NR4A3: variants seen among roughly 807,000 people sequenced by gnomAD.
The protein encoded by NR4A3 is nuclear receptor subfamily 4 group A member 3, also known as chondrosarcoma, extraskeletal myxoid, fused to EWS.
A neutral mutation model predicts 55.6 loss-of-function variants in NR4A3; 13 were observed. That is an observed-to-expected ratio of 0.23 (90% CI 0.15 to 0.37). NR4A3 has a LOEUF of 0.37. Among genes scored for constraint, NR4A3 ranks in the 10% least tolerant of loss-of-function variants. The pLI is 1.00. For synonymous variants in NR4A3, 342 were observed against 357.9 expected (o/e 0.96, Z 0.50); for missense variants, 646 against 822.8 (o/e 0.79, Z 2.63).
intron 1 of NR4A3, among the ~76,000 whole-genome samples, chr9:99,824,314 A>G (rs1354433817): frequency 6.6e-6 from 1 of 152,180 alleles, no homozygotes; most frequent in Non-Finnish European, 1.5e-5. Context: ...CCTCTCAGAG[A>G]ACGACTCCGC....
intron 7 of NR4A3, among the ~76,000 whole-genome samples, chr9:99,862,622 A>G (rs1159572668): frequency 6.7e-6 from 1 of 149,004 alleles, no homozygotes; most frequent in Non-Finnish European, 1.5e-5. Context: ...ATGTTGAGGA[A>G]AAGCATAGTG....
intron 5 of NR4A3, among the ~76,000 whole-genome samples, chr9:99,835,270 T>C (rs776239654): frequency 1.3e-5 from 2 of 152,204 alleles, no homozygotes; most frequent in Non-Finnish European, 2.9e-5. Context: ...TGATCTCTAT[T>C]TCACAGATAA....
In NR4A3 at chr9:99,822,504, G is replaced by T. The variant is rs1341455638; in HGVS notation, c.-177+97G>T. 2.0e-5 allele frequency: 3 copies of T among 152,370 alleles called. No individual in the cohort carries two copies. The highest frequency in any genetic ancestry group is 2.0e-4 in the Admixed American group (3 of 15,290). 9.4% of individuals were successfully genotyped at this position (152,370 alleles called of 1,614,324 possible). ...TGAAATTGACAACTTTGAGTGTGGG[G>T]TTCCCTCCCCTGACCTTGCCGCCCG... On this transcript the variant is annotated intron_variant, in intron 1 of 7. Coordinates refer to ENST00000395097, the MANE Select transcript of NR4A3 (RefSeq NM_006981.4). The surrounding 1 kb of genome is among the most constrained non-coding windows in gnomAD (Gnocchi z 4.9).
intron 5 of NR4A3, among the ~76,000 whole-genome samples, chr9:99,842,741 A>AT (rs1437119025): frequency 6.6e-6 from 1 of 152,110 alleles, no homozygotes; most frequent in Non-Finnish European, 1.5e-5. Context: ...AAAAAAAAAA[A>AT]GATCCCACCA....
rs1166246188 is a variant in NR4A3 at position 99,825,484 on chromosome 9, C to T, written c.-176-175C>T. 6.6e-6 allele frequency among the ~76,000 whole-genome samples: 1 copy of T among 152,198 alleles called. No homozygotes were observed. Among genetic ancestry groups the T allele is most frequent in the Non-Finnish European group, 1.5e-5 (1 of 68,032 alleles). ...CCGAGGCCGTGTGATGCTTCTTGCCCAGGGGGACTCCTGTACCATTAATCA... is the reference window on the plus strand; with the variant it reads ...CCGAGGCCGTGTGATGCTTCTTGCCTAGGGGGACTCCTGTACCATTAATCA... On this transcript the variant is annotated intron_variant, in intron 1 of 7. Coordinates refer to ENST00000395097, the MANE Select transcript of NR4A3 (RefSeq NM_006981.4). The surrounding 1 kb of genome is among the most constrained non-coding windows in gnomAD (Gnocchi z 5.0).
chr9:99,827,258 A>ATG (rs35554489), intron 2 of NR4A3, among the ~76,000 whole-genome samples: 6,243 of 144,992 alleles, frequency 0.043, 165 homozygotes, highest in Non-Finnish European at 0.058. Flanking sequence ...GGATATATAT[A>ATG]TGTGTGTGTG....
intron 7 of NR4A3, among the ~76,000 whole-genome samples, chr9:99,848,432 C>T (rs975977045): frequency 5.3e-5 from 8 of 152,270 alleles, no homozygotes; most frequent in African/African-American, 1.9e-4. Flanking sequence ...GCAACCTCTG[C>T]CTCCTGGGTC....
chr9:99,837,080 T>G (rs936167122), intron 5 of NR4A3, among the ~76,000 whole-genome samples: 15 of 152,204 alleles, frequency 9.9e-5, no homozygotes, highest in African/African-American at 3.4e-4. Context: ...GTTGAATTCC[T>G]TATATATTCT....
chr9:99,847,413 G>A lies in NR4A3; in HGVS notation c.1455-24G>A, dbSNP rs770107655. 1.9e-6 allele frequency: 3 copies of A among 1,611,060 alleles called. No homozygotes were observed. In the South Asian group the frequency reaches 3.3e-5, roughly 18 times the overall value. ...GACAGATTGAACAGACCTGTTTAATGTTTGTCTTCCTCTCACCTCCCAGGT... is the reference window on the plus strand; with the variant it reads ...GACAGATTGAACAGACCTGTTTAATATTTGTCTTCCTCTCACCTCCCAGGT... On this transcript the variant is annotated intron_variant, in intron 6 of 7. Coordinates refer to ENST00000395097, the MANE Select transcript of NR4A3 (RefSeq NM_006981.4).
chr9:99,863,072 C>T (rs1828035604), intron 7 of NR4A3, among the ~76,000 whole-genome samples: 1 of 152,142 alleles, frequency 6.6e-6, no homozygotes, highest in Non-Finnish European at 1.5e-5. Flanking sequence ...TGGGTCTTTT[C>T]GAGCAGCCCT....
At position 99,828,404 on chromosome 9, in the gene NR4A3, C is replaced by G; in HGVS notation, c.362C>G (p.Ser121Cys). 2 of 1,588,812 alleles carry G rather than the reference C, an allele frequency of 1.3e-6. No homozygotes were observed. Among genetic ancestry groups the G allele is most frequent in the Non-Finnish European group, 1.7e-6 (2 of 1,167,028 alleles). The change falls in exon 3 of 8, where the codon TCC becomes TGC. Residue 121 changes from serine to cysteine, a missense_variant. Transcript: ENST00000395097. The surrounding 1 kb of genome is among the most constrained non-coding windows in gnomAD (Gnocchi z 7.7). The part of the protein sequence containing the change: ...QHQQPSIPPA[S>C]SPEDEVLPST... ...CAGCAGCCATCCATTCCTCCAGCCT[C>G]CAGCCCGGAGGACGAGGTGCTGCCC...
chr9:99,857,945 C>T (rs552845009), intron 7 of NR4A3, among the ~76,000 whole-genome samples: 1 of 152,194 alleles, frequency 6.6e-6, no homozygotes, highest in South Asian at 2.1e-4. Flanking sequence ...ACTTTTAGTG[C>T]TTATATAATC....
chr9:99,833,490 T>C, intron 5 of NR4A3, 36 bp downstream of exon 5: 1 of 1,614,096 alleles, frequency 6.2e-7, no homozygotes, highest in African/African-American at 1.3e-5. Flanking sequence ...AAATGAATGA[T>C]CAGGGTCTCT....
At chr9:99,829,800 C>T (rs73499667) in intron 3 of NR4A3, among the ~76,000 whole-genome samples, 3,045 of 152,190 alleles carry the variant, frequency 0.02, 104 homozygotes, top group African/African-American at 0.069. Context: ...ATAGGCCTAA[C>T]GGAGAAATTT....
chr9:99,826,270 G>A (rs1449396655), intron 2 of NR4A3, among the ~76,000 whole-genome samples: 3 of 152,198 alleles, frequency 2.0e-5, no homozygotes, highest in African/African-American at 7.2e-5. Flanking sequence ...AAGGAGAAAA[G>A]CATTTGAGAT....
chr9:99,862,600 T>C (rs1828028974), intron 7 of NR4A3, among the ~76,000 whole-genome samples: 1 of 127,828 alleles, frequency 7.8e-6, no homozygotes, highest in South Asian at 2.7e-4. Context: ...GAAATGAGGC[T>C]CTGAAGTCTA....
chr9:99,857,227 G>A (rs1030948603), intron 7 of NR4A3, among the ~76,000 whole-genome samples: 3 of 152,136 alleles, frequency 2.0e-5, no homozygotes, highest in Admixed American at 2.0e-4. Flanking sequence ...AATTGTTAGA[G>A]ATGATTATAA....
intron 7 of NR4A3, among the ~76,000 whole-genome samples, chr9:99,861,083 G>A (rs771255855): frequency 1.3e-5 from 2 of 152,242 alleles, no homozygotes; most frequent in Non-Finnish European, 2.9e-5. Context: ...GTAAATGACA[G>A]AACCAGAACT....
At position 99,827,258 on chromosome 9, in the gene NR4A3, ATGTG is replaced by A. The variant is rs35554489; in HGVS notation, c.-2-753_-2-750del. Reference sequence around the variant, plus strand: ...TATTAGTTAGAATTGGGATATATATATGTGTGTGTGTGTGTGTGTGTGTGTGTGT... The same window carrying A: ...TATTAGTTAGAATTGGGATATATATATGTGTGTGTGTGTGTGTGTGTGTGT... On this transcript the variant is annotated intron_variant, in intron 2 of 7. Coordinates refer to ENST00000395097, the MANE Select transcript of NR4A3 (RefSeq NM_006981.4). 2.3e-3 allele frequency among the ~76,000 whole-genome samples: 331 copies of A among 145,090 alleles called. 2 individuals are homozygous for A. Among genetic ancestry groups the A allele is most frequent in the Middle Eastern group, 0.011 (3 of 284 alleles).
Sources: allele counts gnomAD v4.1 joint callset (sites outside exome capture counted in the v4.1 genomes callset), GRCh38; gene constraint gnomAD v4.1.1; non-coding constraint Gnocchi (gnomAD v3.1); transcripts MANE v1.5; gene names NCBI Gene and HGNC (gene_info 2026-07-23, HGNC 2026-07-21).